ZFP2: variants seen among roughly 807,000 people sequenced by gnomAD.
ZFP2 encodes the protein zinc finger protein ZFP2.
ZFP2 carries 33 observed loss-of-function variants against 36.1 expected under a neutral mutation model. The observed-to-expected ratio is 0.92, with a 90% CI of 0.69 to 1.22. The LOEUF is 1.22. ZFP2 is among the 50% of genes most tolerant of loss of function. The pLI is 0.00. For missense variants in ZFP2, 522 were observed against 551.4 expected, an observed-to-expected ratio of 0.95 and a Z score of 0.53; for synonymous variants, 170 against 178.0, an observed-to-expected ratio of 0.96 and a Z score of 0.36.
rs549993295 is a variant in ZFP2, at chr5:178,921,471, TCTC to T, written c.-78+4765_-78+4767del. On this transcript the variant is annotated intron_variant, in intron 4 of 4. Coordinates refer to ENST00000361362, the MANE Select transcript of ZFP2 (RefSeq NM_030613.4). The stretch of plus-strand genomic sequence containing the variant: ...TCCCTTGCTTGGGGAAGAAGGACCC[TCTC>T]CTCATGTTTTTGAGCTCCTGTCAGC... Among the ~76,000 whole-genome samples the T allele has an allele frequency of 3.5e-4, 49 of 140,362 alleles. 2 individuals carry two copies. Among genetic ancestry groups the T allele is most frequent in the African/African-American group, 1.0e-3 (42 of 40,406 alleles). The allele number at this position is 140,362 out of a possible 152,430, so 92.1% of individuals were successfully genotyped here. A position where few individuals can be genotyped will look rare whatever the true frequency, so the allele number is the denominator to read the frequency against.
chr5:178,927,260 T>C (rs1439038037), intron 4 of ZFP2, among the ~76,000 whole-genome samples: 1 of 152,180 alleles, frequency 6.6e-6, no homozygotes, highest in African/African-American at 2.4e-5. Flanking sequence ...GAAATGGTAG[T>C]ATCCCTTAGG....
rs1758858677 is a variant in ZFP2 at position 178,932,014 on chromosome 5, G to T, written c.701G>T (p.Arg234Ile). The part of the protein sequence containing the change: ...TQSMNLTVHQ[R>I]THTGEKPYEC... The stretch of plus-strand genomic sequence containing the variant: ...AGCATGAATTTGACAGTTCATCAGA[G>T]AACTCATACAGGAGAAAAACCCTAT... Residue 234 changes from arginine (R) to isoleucine (I), a missense_variant, in exon 5 of 5, where the codon AGA (arginine) becomes ATA (isoleucine). By Grantham distance (97) the Arg-to-Ile change is moderately conservative. Transcript: ENST00000361362. 1.2e-6 allele frequency: 2 copies of T among 1,613,826 alleles called. No homozygotes were observed. Among genetic ancestry groups the T allele is most frequent in the Non-Finnish European group, 1.7e-6 (2 of 1,179,918 alleles).
intron 1 of ZFP2, among the ~76,000 whole-genome samples, chr5:178,908,575 C>G (rs996584685): frequency 2.3e-4 from 35 of 150,314 alleles, no homozygotes; most frequent in African/African-American, 6.6e-4. Flanking sequence ...GTGAATTCAC[C>G]CTAACCATCC....
rs990713790 is a variant in ZFP2 at position 178,930,314 on chromosome 5, C to CTTTTTTTTTTTTTTTTTTTTTTTTT, written c.-77-899_-77-898insTTTTTTTTTTTTTTTTTTTTTTTTT. 2.2e-4 allele frequency among the ~76,000 whole-genome samples: 16 copies of CTTTTTTTTTTTTTTTTTTTTTTTTT among 71,370 alleles called. 1 individual carries two copies. Among genetic ancestry groups the CTTTTTTTTTTTTTTTTTTTTTTTTT allele is most frequent in the Non-Finnish European group, 3.2e-4 (13 of 40,630 alleles). The allele number at this position is 71,370 out of a possible 152,430, so 46.8% of individuals were successfully genotyped here. ...ATTTCTTTCTTTTTTTTTCCCTTTC[C>CTTTTTTTTTTTTTTTTTTTTTTTTT]TTTTTTTTTTTTTTTTTTTTTTTTG... On this transcript the variant is annotated intron_variant, in intron 4 of 4. Coordinates refer to ENST00000361362, the MANE Select transcript of ZFP2 (RefSeq NM_030613.4).
chr5:178,906,722 A>C (rs374900673), intron 1 of ZFP2, among the ~76,000 whole-genome samples: 26 of 151,788 alleles, frequency 1.7e-4, no homozygotes, highest in Non-Finnish European at 3.4e-4. Context: ...TGTCTGGCTA[A>C]TTTTTTTGTA....
intron 1 of ZFP2, among the ~76,000 whole-genome samples, chr5:178,906,435 G>T (rs1758166969): frequency 6.6e-6 from 1 of 152,082 alleles, no homozygotes; most frequent in Admixed American, 6.6e-5. Context: ...GCATTTGCCT[G>T]CTATATCCTG....
At chr5:178,908,633 A>T (rs961374187) in intron 1 of ZFP2, among the ~76,000 whole-genome samples, 2 of 151,818 alleles carry the variant, frequency 1.3e-5, no homozygotes, top group East Asian at 3.9e-4. Context: ...AAAAAAAAAA[A>T]AAAAACCTAA....
intron 4 of ZFP2, among the ~76,000 whole-genome samples, chr5:178,927,991 C>T (rs895001488): frequency 6.6e-6 from 1 of 151,614 alleles, no homozygotes; most frequent in Non-Finnish European, 1.5e-5. Context: ...AATGATAAAA[C>T]CAGGAGCAAG....
chr5:178,908,096 A>C (rs1206245603), intron 1 of ZFP2, among the ~76,000 whole-genome samples: 1 of 152,198 alleles, frequency 6.6e-6, no homozygotes, highest in African/African-American at 2.4e-5. Context: ...AATCGCCTGG[A>C]AATTAATGCA....
intron 4 of ZFP2, among the ~76,000 whole-genome samples, chr5:178,927,111 C>G (rs1329182136): frequency 6.6e-6 from 1 of 152,144 alleles, no homozygotes; most frequent in Non-Finnish European, 1.5e-5. Flanking sequence ...CTTATTTTGT[C>G]TGGGATAAGA....
intron 1 of ZFP2, 140 bp from the exon 2 acceptor site, chr5:178,912,444 C>T (rs541020303): frequency 8.4e-5 from 13 of 155,004 alleles, no homozygotes; most frequent in Admixed American, 1.3e-4. Context: ...CTGGTTATTT[C>T]GTGATTGGTG....
chr5:178,913,646 A>G (rs556959721), intron 3 of ZFP2, among the ~76,000 whole-genome samples: 3 of 152,092 alleles, frequency 2.0e-5, no homozygotes, highest in Middle Eastern at 3.4e-3. Context: ...CTCATTCCCA[A>G]AATTCTAATC....
Position 178,924,779 on chromosome 5 carries a change from C to T in ZFP2, c.-77-6458C>T, listed in dbSNP as rs1438525732. Among the ~76,000 whole-genome samples the T allele has an allele frequency of 3.4e-5, 5 of 148,518 alleles. 1 individual carries two copies. The highest frequency in any genetic ancestry group is 1.9e-4 in the East Asian group (1 of 5,162). On this transcript the variant is annotated intron_variant, in intron 4 of 4. Transcript: ENST00000361362. ...AGGAGAATCACCTGAACCCAGGAGG[C>T]GGAGGTAGCAGTAAGCCGAGATTGC... is the stretch of plus-strand genomic sequence containing the variant.
At chr5:178,922,430 A>T in intron 4 of ZFP2, 1 of 1,361,466 alleles carries the variant, frequency 7.3e-7, no homozygotes, top group Non-Finnish European at 1.0e-6. Context: ...GTCTACTTTT[A>T]CTATTGTGCC....
intron 4 of ZFP2, among the ~76,000 whole-genome samples, chr5:178,930,949 T>G (rs1229973347): frequency 6.6e-6 from 1 of 152,224 alleles, no homozygotes; most frequent in African/African-American, 2.4e-5. Context: ...CAGTGGTCAG[T>G]GCCTTCACTG....
At chr5:178,917,850 T>C (rs1419182174) in intron 4 of ZFP2, among the ~76,000 whole-genome samples, 1 of 152,218 alleles carries the variant, frequency 6.6e-6, no homozygotes, top group African/African-American at 2.4e-5. Context: ...AATGTAGAAG[T>C]ATTCAAAAAG....
In ZFP2 at chr5:178,932,124, G is replaced by A; in HGVS notation, c.811G>A (p.Glu271Lys). 1 of 1,612,792 alleles carries A rather than the reference G, an allele frequency of 6.2e-7. No individual in the cohort carries two copies. Among genetic ancestry groups the A allele is most frequent in the Middle Eastern group, 1.6e-4 (1 of 6,062 alleles). The stretch of plus-strand genomic sequence containing the variant: ...AAGCCATACTGGAGAAAAACCCTAT[G>A]AGTGTAGTCAATGTGGAAAAGCCTT... Reference protein sequence around the residue: ...QRSHTGEKPYECSQCGKAFSK... With the variant: ...QRSHTGEKPYKCSQCGKAFSK... The change falls in exon 5 of 5, where the codon GAG (glutamate) becomes AAG (lysine). Residue 271 changes from glutamate to lysine, a missense_variant. By Grantham distance (56) the Glu-to-Lys change is moderately conservative. Transcript: ENST00000361362.
At chr5:178,920,753 G>A (rs548050431) in intron 4 of ZFP2, among the ~76,000 whole-genome samples, 9 of 152,110 alleles carry the variant, frequency 5.9e-5, no homozygotes, top group Admixed American at 5.9e-4. Flanking sequence ...TGTTCACTCT[G>A]ACTTGTTGGA....
At chr5:178,909,004 T>A (rs6600994) in intron 1 of ZFP2, among the ~76,000 whole-genome samples, 69,750 of 145,440 alleles carry the variant, frequency 0.48, 17,529 homozygotes, top group Middle Eastern at 0.53. Context: ...GCCGCACCGT[T>A]ATCTAAGCCC....
Sources: gnomAD v4.1 joint callset for allele counts (sites outside exome capture counted in the v4.1 genomes callset) on GRCh38, gnomAD v4.1.1 for gene constraint, MANE v1.5 for transcripts, NCBI Gene and HGNC (gene_info 2026-07-23, HGNC 2026-07-21) for gene names.